GOLM1: variants seen among roughly 807,000 people sequenced by gnomAD.
The protein encoded by GOLM1 is golgi membrane protein 1.
In GOLM1, 31 loss-of-function variants were observed where a neutral mutation model predicts 50.5. The observed-to-expected ratio is 0.61, with a 90% confidence interval of 0.46 to 0.83. The LOEUF is 0.83. GOLM1 is among the 40% of genes least tolerant of loss of function. The probability of loss-of-function intolerance (pLI) is 0.00; values close to 1 mark genes in which losing one functional copy is unlikely to be tolerated. For synonymous variants in GOLM1, 178 were observed against 192.8 expected (o/e 0.92, Z 0.64); for missense variants, 491 against 501.3 (o/e 0.98, Z 0.20).
chr9:86,053,624 CATCACTACAAAA>C (rs1176442135), intron 3 of GOLM1, among the ~76,000 whole-genome samples: 26 of 37,062 alleles, frequency 7.0e-4, no homozygotes, highest in African/African-American at 9.4e-4. Context: ...CCACACCAAA[CATCACTACAAAA>C]CACACACCAC....
intron 3 of GOLM1, among the ~76,000 whole-genome samples, chr9:86,066,300 T>C (rs542915344): frequency 4.4e-4 from 67 of 152,282 alleles, no homozygotes; most frequent in African/African-American, 1.4e-3. Flanking sequence ...CCCAAGTTAC[T>C]GTGCAAGAGG....
chr9:86,052,824 T>G (rs967090193), intron 3 of GOLM1, among the ~76,000 whole-genome samples: 1 of 111,458 alleles, frequency 9.0e-6, no homozygotes, highest in Non-Finnish European at 2.0e-5. Flanking sequence ...AGCCAACGGG[T>G]CCAGACCCCA....
At chr9:86,028,993 C>T (rs934422697) in intron 9 of GOLM1, among the ~76,000 whole-genome samples, 55 of 151,986 alleles carry the variant, frequency 3.6e-4, no homozygotes, top group African/African-American at 1.3e-3. Context: ...GGACTACAGG[C>T]GCCCGCCACC....
At chr9:86,054,948 G>A (rs956907908) in intron 3 of GOLM1, among the ~76,000 whole-genome samples, 6 of 152,140 alleles carry the variant, frequency 3.9e-5, no homozygotes, top group African/African-American at 1.4e-4. Flanking sequence ...TGCCCATAAC[G>A]TGGAGACACA....
At chr9:86,062,406 G>A (rs1834187297) in intron 3 of GOLM1, among the ~76,000 whole-genome samples, 1 of 151,994 alleles carries the variant, frequency 6.6e-6, no homozygotes, top group Non-Finnish European at 1.5e-5. Context: ...GGATGGGGAG[G>A]AGGGGAAGGG....
At chr9:86,053,718 C>CAGA (rs1833895139) in intron 3 of GOLM1, among the ~76,000 whole-genome samples, 1 of 135,822 alleles carries the variant, frequency 7.4e-6, no homozygotes. Context: ...CCCACCGCAT[C>CAGA]ACAGACTGCT....
In GOLM1 at chr9:86,077,523, C is replaced by T. The variant is rs771208612; in HGVS notation, c.198G>A (p.Lys66=). 7.4e-6 allele frequency: 12 copies of T among 1,613,570 alleles called. No individual in the cohort carries two copies. Among genetic ancestry groups the T allele is most frequent in the East Asian group, 2.2e-5 (1 of 44,878 alleles). Residue 66 remains lysine (K), a synonymous_variant, in exon 3 of 10, where the codon AAG becomes AAA. Coordinates refer to ENST00000388712, the MANE Select transcript of GOLM1 (RefSeq NM_016548.4). The part of the protein sequence containing the change: ...AAAERGAVEL[K]KNEFQGELEK... ...CCAGCTCTCCCTGGAACTCGTTCTT[C>T]TTCAGCTCCACGGCGCCTCTCTCTG...
intron 4 of GOLM1, among the ~76,000 whole-genome samples, chr9:86,047,650 C>T (rs1454305715): frequency 9.2e-5 from 14 of 152,062 alleles, no homozygotes; most frequent in Admixed American, 7.9e-4. Context: ...ACTGTACCCA[C>T]GAGGGGTAAA....
At chr9:86,081,466 G>A (rs185311840) in intron 1 of GOLM1, among the ~76,000 whole-genome samples, 63 of 152,194 alleles carry the variant, frequency 4.1e-4, no homozygotes, top group Non-Finnish European at 6.9e-4. Context: ...AAAGTGCTGG[G>A]AATATAGGCA....
In GOLM1 at chr9:86,070,795, G is replaced by A. The variant is rs1485397852; in HGVS notation, c.309+6617C>T. Among the ~76,000 whole-genome samples, 3 of 152,022 alleles carry A rather than the reference G, an allele frequency of 2.0e-5. No individual in the cohort carries two copies. In the South Asian group the frequency reaches 6.2e-4, roughly 32 times the overall value. ...ACCCATGAGATAAGCTAATTGATCA[G>A]GCGCAAAACTTAGATTGCAAGAAAT... On this transcript the variant is annotated intron_variant, in intron 3 of 9. Transcript: ENST00000388712.
chr9:86,040,543 G>C (rs1249176374), intron 6 of GOLM1, among the ~76,000 whole-genome samples, 196 bp downstream of exon 6: 1 of 152,192 alleles, frequency 6.6e-6, no homozygotes, highest in Non-Finnish European at 1.5e-5. Flanking sequence ...CTGAGCTTGT[G>C]AAGCGGGGCT....
intron 1 of GOLM1, among the ~76,000 whole-genome samples, chr9:86,085,902 G>C (rs565826180): frequency 6.6e-6 from 1 of 152,302 alleles, no homozygotes; most frequent in South Asian, 2.1e-4. Context: ...TTGGTTCCAA[G>C]TCTTTGCTAT....
intron 1 of GOLM1, among the ~76,000 whole-genome samples, chr9:86,098,991 C>A (rs1008344677): frequency 5.9e-5 from 9 of 152,320 alleles, no homozygotes; most frequent in Non-Finnish European, 1.2e-4. Context: ...GGCCAGCCTC[C>A]CGCGCCTGGT....
At chr9:86,097,316 C>T (rs1835380629) in intron 1 of GOLM1, among the ~76,000 whole-genome samples, 1 of 152,102 alleles carries the variant, frequency 6.6e-6, no homozygotes, top group African/African-American at 2.4e-5. Flanking sequence ...CCTTCTGTTC[C>T]TTCTACTTTT....
chr9:86,088,182 C>T (rs1835036740), intron 1 of GOLM1, among the ~76,000 whole-genome samples: 1 of 151,820 alleles, frequency 6.6e-6, no homozygotes, highest in Non-Finnish European at 1.5e-5. Context: ...GTTTATGTGT[C>T]CAGGAATTTA....
At chr9:86,091,181 G>C (rs12235357) in intron 1 of GOLM1, among the ~76,000 whole-genome samples, 2 of 128,232 alleles carry the variant, frequency 1.6e-5, no homozygotes, top group South Asian at 5.0e-4. Context: ...TGGGAGCTGC[G>C]GACCAGAGCT....
intron 3 of GOLM1, among the ~76,000 whole-genome samples, chr9:86,076,454 A>AAT (rs1308426072): frequency 1.5e-5 from 2 of 136,662 alleles, no homozygotes; most frequent in Non-Finnish European, 3.1e-5. Flanking sequence ...AAAAAAAAAA[A>AAT]GCCAAATTTT....
chr9:86,085,791 T>TCCC (rs1834941888), intron 1 of GOLM1, among the ~76,000 whole-genome samples: 1 of 152,204 alleles, frequency 6.6e-6, no homozygotes, highest in Non-Finnish European at 1.5e-5. Context: ...TTCATCCGTG[T>TCCC]CCCTGGCAAA....
intron 3 of GOLM1, among the ~76,000 whole-genome samples, chr9:86,059,080 C>CG (rs923433721): frequency 9.2e-5 from 14 of 152,060 alleles, no homozygotes; most frequent in African/African-American, 3.4e-4. Context: ...AACTAGAACC[C>CG]CCCCCCAATA....
Sources: allele counts gnomAD v4.1 joint callset (sites outside exome capture counted in the v4.1 genomes callset), GRCh38; gene constraint gnomAD v4.1.1; transcripts MANE v1.5; gene names NCBI Gene and HGNC (gene_info 2026-07-23, HGNC 2026-07-21).